Variants in MAP2 observed in about 807,000 individuals in gnomAD.
MAP2 encodes the protein microtubule associated protein 2.
In MAP2, 14 loss-of-function variants were observed where a neutral mutation model predicts 137.6. That is an observed-to-expected ratio of 0.10 (90% CI 0.07 to 0.16). MAP2 has a LOEUF of 0.16. MAP2 is among the 10% of genes least tolerant of loss of function. The pLI is 1.00. For synonymous variants in MAP2, 786 were observed against 782.3 expected, an observed-to-expected ratio of 1.00 and a Z score of -0.08; for missense variants, 2,088 against 2,191.5, an observed-to-expected ratio of 0.95 and a Z score of 0.94.
At chr2:209,493,892 A>G (rs2059423687) in intron 1 of MAP2, among the ~76,000 whole-genome samples, 1 of 152,234 alleles carries the variant, frequency 6.6e-6, no homozygotes, top group Non-Finnish European at 1.5e-5. Flanking sequence ...TCAATGATCT[A>G]GAACCAGGAA....
rs532855592 is a variant in MAP2, at chr2:209,730,763, T to C, written c.*366T>C. The C allele has an allele frequency of 5.5e-6, 1 of 182,370 alleles. No individual in the cohort carries two copies. The highest frequency in any genetic ancestry group is 1.5e-4 in the East Asian group (1 of 6,474). The allele number at this position is 182,370 out of a possible 1,614,324, so 11.3% of individuals were successfully genotyped here. On this transcript the variant is annotated 3_prime_UTR_variant, in exon 16 of 16. Coordinates refer to ENST00000682079, the MANE Select transcript of MAP2 (RefSeq NM_001375505.1). ...AAAATCCAAGCTGCTCATTTCACTA[T>C]TCTGTTTCTGAGTGAGAAGATAAAA... is the stretch of plus-strand genomic sequence containing the variant.
intron 14 of MAP2, among the ~76,000 whole-genome samples, chr2:209,726,169 T>C (rs983768435): frequency 6.6e-6 from 1 of 152,198 alleles, no homozygotes; most frequent in Non-Finnish European, 1.5e-5. Flanking sequence ...ATTGGCTTTC[T>C]ACATTATGTA....
Position 209,692,613 on chromosome 2 carries a change from C to T in MAP2, c.455-12C>T, listed in dbSNP as rs765413539. ...CCTATTATTTGTTTAAAAATCAACCCGATTACTTCAGATTTACTTACAGCC... is the reference window on the plus strand; with the variant it reads ...CCTATTATTTGTTTAAAAATCAACCTGATTACTTCAGATTTACTTACAGCC... On this transcript the variant is annotated splice_polypyrimidine_tract_variant and intron_variant, in intron 7 of 15. Transcript: ENST00000682079. 32 of 1,535,692 alleles carry T rather than the reference C, an allele frequency of 2.1e-5. No homozygotes were observed. In the East Asian group the frequency reaches 4.6e-4, roughly 22 times the overall value.
intron 11 of MAP2, chr2:209,704,505 A>G: frequency 6.2e-7 from 1 of 1,613,044 alleles, no homozygotes; most frequent in Non-Finnish European, 8.5e-7. Flanking sequence ...TCCCCAAGAT[A>G]CAGCTCAGCC....
intron 2 of MAP2, among the ~76,000 whole-genome samples, chr2:209,515,766 C>A (rs1033265264): frequency 3.3e-5 from 5 of 152,150 alleles, no homozygotes; most frequent in African/African-American, 9.6e-5. Flanking sequence ...AGTCATTAAA[C>A]CAGAAACAAT....
At chr2:209,432,992 A>C (rs1370417587) in intron 1 of MAP2, among the ~76,000 whole-genome samples, 1 of 152,140 alleles carries the variant, frequency 6.6e-6, no homozygotes, top group Non-Finnish European at 1.5e-5. Context: ...TGTCTCTTCT[A>C]CTTGAATATC....
chr2:209,661,733 G>T, intron 5 of MAP2: 1 of 964,004 alleles, frequency 1.0e-6, no homozygotes, highest in Non-Finnish European at 1.2e-6. Flanking sequence ...AGGTGAAGCT[G>T]GTTGTGGGGA....
At chr2:209,508,332 A>C (rs2061323364) in intron 2 of MAP2, among the ~76,000 whole-genome samples, 1 of 152,032 alleles carries the variant, frequency 6.6e-6, no homozygotes, top group Non-Finnish European at 1.5e-5. Flanking sequence ...TGCTTATGAA[A>C]GAACAACATG....
intron 2 of MAP2, among the ~76,000 whole-genome samples, chr2:209,546,848 C>T (rs1200720820): frequency 1.3e-5 from 2 of 152,156 alleles, no homozygotes; most frequent in African/African-American, 4.8e-5. Context: ...TTATTTTCCA[C>T]TGGTATTGTC....
At chr2:209,442,569 T>C (rs1698065679) in intron 1 of MAP2, among the ~76,000 whole-genome samples, 2 of 151,696 alleles carry the variant, frequency 1.3e-5, no homozygotes, top group South Asian at 4.1e-4. Context: ...GACTCTTCTT[T>C]CTGTTTACAC....
At chr2:209,682,528 C>T (rs1321145337) in intron 7 of MAP2, among the ~76,000 whole-genome samples, 2 of 151,870 alleles carry the variant, frequency 1.3e-5, no homozygotes, top group Non-Finnish European at 2.9e-5. Context: ...TAGTGGAGAA[C>T]AGAAATCCAA....
At chr2:209,726,127 G>A (rs1405614872) in intron 14 of MAP2, among the ~76,000 whole-genome samples, 1 of 151,940 alleles carries the variant, frequency 6.6e-6, no homozygotes, top group Admixed American at 6.6e-5. Context: ...AATAACATTG[G>A]GGGTAGCATT....
chr2:209,709,360 A>G (rs549771143), intron 12 of MAP2, among the ~76,000 whole-genome samples: 4 of 152,168 alleles, frequency 2.6e-5, no homozygotes, highest in African/African-American at 4.8e-5. Flanking sequence ...CCATAAACAC[A>G]TTTACACCTC....
intron 1 of MAP2, among the ~76,000 whole-genome samples, chr2:209,479,295 T>G (rs981589724): frequency 9.2e-5 from 14 of 152,134 alleles, no homozygotes; most frequent in Non-Finnish European, 2.1e-4. Flanking sequence ...TGTGGGGTTT[T>G]GTTGAAATTG....
intron 4 of MAP2, among the ~76,000 whole-genome samples, chr2:209,640,961 G>A (rs1270949456): frequency 4.2e-5 from 6 of 144,324 alleles, no homozygotes; most frequent in Non-Finnish European, 7.5e-5. Context: ...TTTAATTCTA[G>A]CATCTTCTTC....
At chr2:209,500,408 T>G (rs13000895) in intron 1 of MAP2, among the ~76,000 whole-genome samples, 8,933 of 152,218 alleles carry the variant, frequency 0.059, 303 homozygotes, top group South Asian at 0.092. Context: ...TGTTTCTGTG[T>G]TGTCCTGTCC....
intron 1 of MAP2, among the ~76,000 whole-genome samples, chr2:209,489,054 G>T (rs1235951623): frequency 4.1e-4 from 63 of 152,180 alleles, no homozygotes; most frequent in Admixed American, 4.1e-3. Context: ...GCTGGCATCT[G>T]GTGGGTGTCC....
intron 7 of MAP2, chr2:209,684,538 C>G (rs1283209376): frequency 6.6e-6 from 1 of 152,180 alleles, no homozygotes; most frequent in African/African-American, 2.4e-5. Context: ...GGCTGGTATA[C>G]TAAGGCTGGG....
At chr2:209,516,762 G>T (rs926301687) in intron 2 of MAP2, among the ~76,000 whole-genome samples, 2 of 151,964 alleles carry the variant, frequency 1.3e-5, no homozygotes. Flanking sequence ...CTATCACAGG[G>T]GGATGATTTG....
Sources: gnomAD v4.1 joint callset for allele counts (sites outside exome capture counted in the v4.1 genomes callset) on GRCh38, gnomAD v4.1.1 for gene constraint, MANE v1.5 for transcripts, NCBI Gene and HGNC (gene_info 2026-07-23, HGNC 2026-07-21) for gene names.